CACNA1C: variants seen among roughly 807,000 people sequenced by gnomAD.
CACNA1C encodes calcium voltage-gated channel subunit alpha1 C.
Under a neutral mutation model 229.0 loss-of-function variants are expected in CACNA1C, and 30 were observed. The ratio of observed to expected loss-of-function variants is 0.13; its 90% CI spans 0.10 to 0.18. The LOEUF is 0.18. CACNA1C is among the 10% of genes least tolerant of loss of function. The pLI is 1.00. For missense variants in CACNA1C, 1,658 were observed against 2,845.0 expected, an observed-to-expected ratio of 0.58 and a Z score of 9.49; for synonymous variants, 1,114 against 1,132.5, an observed-to-expected ratio of 0.98 and a Z score of 0.33.
At position 2,495,835 on chromosome 12, in the gene CACNA1C, C is replaced by T. The variant is rs142251777; in HGVS notation, c.1113+2449C>T. 7.4e-4 allele frequency among the ~76,000 whole-genome samples: 113 copies of T among 152,324 alleles called. 1 individual carries two copies. The highest frequency in any genetic ancestry group is 2.7e-3 in the Admixed American group (42 of 15,308). On this transcript the variant is annotated intron_variant, in intron 7 of 46. Coordinates refer to ENST00000399655, the MANE Select transcript of CACNA1C (RefSeq NM_000719.7). ...ACGCCTGCAAGTGTGTATACACACA[C>T]GTGCACATACACACACCTAAAACTG...
chr12:2,267,589 C>T (rs1375479279), intron 3 of CACNA1C, among the ~76,000 whole-genome samples: 11 of 152,120 alleles, frequency 7.2e-5, no homozygotes, highest in Admixed American at 6.5e-4. Flanking sequence ...GAAACTGAGG[C>T]TGAGAGGGAG....
intron 1 of CACNA1C, among the ~76,000 whole-genome samples, chr12:2,114,574 C>T (rs2299659): frequency 0.035 from 5,319 of 152,282 alleles, 268 homozygotes; most frequent in East Asian, 0.11. Flanking sequence ...TCCTGGTCAA[C>T]CAACACTTAA....
chr12:2,547,558 C>A, intron 9 of CACNA1C: 1 of 777,692 alleles, frequency 1.3e-6, no homozygotes, highest in Non-Finnish European at 2.4e-6. Context: ...TGTGTAAATG[C>A]GTGTGGGTGC....
intron 1 of CACNA1C, among the ~76,000 whole-genome samples, chr12:2,111,999 G>A (rs568629798): frequency 4.1e-4 from 62 of 152,334 alleles, no homozygotes; most frequent in African/African-American, 1.4e-3. Flanking sequence ...AGAAGCCCAG[G>A]AGGAGGCGTG....
At chr12:2,360,329 C>T (rs1040193240) in intron 3 of CACNA1C, among the ~76,000 whole-genome samples, 1 of 152,122 alleles carries the variant, frequency 6.6e-6, no homozygotes, top group Non-Finnish European at 1.5e-5. Context: ...TTCCACTGCC[C>T]GGGAGCTGCT....
chr12:2,106,672 G>GCA (rs1565722265), intron 1 of CACNA1C, among the ~76,000 whole-genome samples: 11 of 83,170 alleles, frequency 1.3e-4, no homozygotes, highest in Non-Finnish European at 2.5e-4. Context: ...CCTCAGCTGG[G>GCA]GCGTCCTGAA....
chr12:2,430,642 TC>T (rs1218882602), intron 3 of CACNA1C, among the ~76,000 whole-genome samples: 1 of 152,068 alleles, frequency 6.6e-6, no homozygotes, highest in Admixed American at 6.5e-5. Context: ...ACACTTCCTT[TC>T]CCCTTTCCCC....
intron 4 of CACNA1C, among the ~76,000 whole-genome samples, chr12:2,454,393 G>A (rs542092143): frequency 3.8e-4 from 58 of 151,978 alleles, no homozygotes; most frequent in African/African-American, 1.2e-3. Context: ...CCGTCTTTCC[G>A]GTCCCCTCCC....
At chr12:2,355,737 G>A (rs2097342658) in intron 3 of CACNA1C, among the ~76,000 whole-genome samples, 2 of 152,206 alleles carry the variant, frequency 1.3e-5, no homozygotes, top group Non-Finnish European at 2.9e-5. Flanking sequence ...GGCAGTGTGT[G>A]GAGACAGATT....
chr12:2,565,213 A>C (rs990355007), intron 11 of CACNA1C, among the ~76,000 whole-genome samples: 1 of 152,196 alleles, frequency 6.6e-6, no homozygotes, highest in South Asian at 2.1e-4. Flanking sequence ...TCACGCCTGT[A>C]ATCCCAGCAC....
chr12:2,315,129 C>G (rs1255644652), intron 3 of CACNA1C, among the ~76,000 whole-genome samples: 1 of 152,176 alleles, frequency 6.6e-6, no homozygotes, highest in Non-Finnish European at 1.5e-5. Flanking sequence ...TCTCCCGGGT[C>G]ACACTTTCCC....
At chr12:2,299,904 T>C (rs752553209) in intron 3 of CACNA1C, among the ~76,000 whole-genome samples, 1 of 152,066 alleles carries the variant, frequency 6.6e-6, no homozygotes. Flanking sequence ...TTCCTAAGAG[T>C]GTTTCGAGGA....
chr12:2,407,475 C>T (rs7297120), intron 3 of CACNA1C, among the ~76,000 whole-genome samples: 417 of 65,538 alleles, frequency 6.4e-3, no homozygotes, highest in East Asian at 0.013. Flanking sequence ...TCGTCTCCAC[C>T]GACACCATGT....
intron 3 of CACNA1C, among the ~76,000 whole-genome samples, chr12:2,212,649 T>G (rs1156945254): frequency 6.6e-6 from 1 of 152,230 alleles, no homozygotes; most frequent in Non-Finnish European, 1.5e-5. Flanking sequence ...ATATATTTAC[T>G]GTTTTATCTA....
chr12:2,592,607 C>T (rs988251789), intron 18 of CACNA1C, among the ~76,000 whole-genome samples: 7 of 152,076 alleles, frequency 4.6e-5, no homozygotes, highest in Non-Finnish European at 8.8e-5. Flanking sequence ...GCTGGGAGAA[C>T]GAAGGCGCTT....
At chr12:2,142,893 TA>T (rs922975338) in intron 3 of CACNA1C, among the ~76,000 whole-genome samples, 6 of 151,126 alleles carry the variant, frequency 4.0e-5, no homozygotes, top group African/African-American at 9.7e-5. Context: ...GTCAAAAAGT[TA>T]AAAAAAATTA....
rs987029729 is a variant in CACNA1C, at chr12:2,392,148, A to G, written c.478-56828A>G. 3.9e-5 allele frequency among the ~76,000 whole-genome samples: 6 copies of G among 152,168 alleles called. No homozygotes were observed. The South Asian group carries it at 1.0e-3, about 26-fold the overall frequency. On this transcript the variant is annotated intron_variant, in intron 3 of 46. Transcript: ENST00000399655. Reference sequence around the variant, plus strand: ...TCATATAAGCTGAAGAATTCTTACAATTTTCAAGTCAGCATTTTTTCCAGG... The same window carrying G: ...TCATATAAGCTGAAGAATTCTTACAGTTTTCAAGTCAGCATTTTTTCCAGG...
chr12:2,432,339 C>T (rs2099094142), intron 3 of CACNA1C, among the ~76,000 whole-genome samples: 1 of 152,136 alleles, frequency 6.6e-6, no homozygotes, highest in South Asian at 2.1e-4. Context: ...TGGAGGGTGA[C>T]GTTCTTCGCA....
At chr12:2,320,280 A>T (rs549277592) in intron 3 of CACNA1C, among the ~76,000 whole-genome samples, 1 of 152,216 alleles carries the variant, frequency 6.6e-6, no homozygotes, top group African/African-American at 2.4e-5. Context: ...AGGCTGACAG[A>T]GCAGCCTGCA....
Sources: allele counts gnomAD v4.1 joint callset (sites outside exome capture counted in the v4.1 genomes callset), GRCh38; gene constraint gnomAD v4.1.1; transcripts MANE v1.5; gene names NCBI Gene and HGNC (gene_info 2026-07-23, HGNC 2026-07-21).